The following KIF21A variants were observed in gnomAD, a reference collection of about 807,000 sequenced individuals.
KIF21A encodes kinesin family member 21A.
In KIF21A, 114 loss-of-function variants were observed where a neutral mutation model predicts 202.9. The ratio of observed to expected loss-of-function variants is 0.56; its 90% CI spans 0.48 to 0.66. The LOEUF (loss-of-function observed/expected upper bound fraction) is 0.66. Ranked by LOEUF, KIF21A falls within the 30% of genes least tolerant of loss-of-function variation. KIF21A has a pLI of 0.00. For missense variants in KIF21A, 1,677 were observed against 1,994.9 expected (o/e 0.84, Z 3.04); for synonymous variants, 667 against 670.8 (o/e 0.99, Z 0.09).
intron 1 of KIF21A, among the ~76,000 whole-genome samples, chr12:39,404,194 A>C (rs2139914017): frequency 6.6e-6 from 1 of 152,254 alleles, no homozygotes; most frequent in Non-Finnish European, 1.5e-5. Flanking sequence ...TGCCTCCCAG[A>C]CTCAAGCAAT....
chr12:39,307,851 T>C, intron 33 of KIF21A, 122 bp from the exon 34 acceptor site: 1 of 755,156 alleles, frequency 1.3e-6, no homozygotes, highest in Non-Finnish European at 2.3e-6. Flanking sequence ...TTTGTCACTA[T>C]ATGTATACTA....
At chr12:39,340,006 A>G (rs115775974) in intron 16 of KIF21A, among the ~76,000 whole-genome samples, 159 bp downstream of exon 16, 297 of 152,304 alleles carry the variant, frequency 2.0e-3, no homozygotes, top group African/African-American at 7.0e-3. Context: ...AGGAATGACT[A>G]TTAGAAACAA....
At chr12:39,419,500 T>G (rs1954064848) in intron 1 of KIF21A, among the ~76,000 whole-genome samples, 1 of 152,156 alleles carries the variant, frequency 6.6e-6, no homozygotes, top group East Asian at 1.9e-4. Flanking sequence ...ATGAAATCAC[T>G]TGAACTATTA....
At chr12:39,408,726 G>A (rs985179234) in intron 1 of KIF21A, among the ~76,000 whole-genome samples, 6 of 152,128 alleles carry the variant, frequency 3.9e-5, no homozygotes, top group African/African-American at 1.4e-4. Flanking sequence ...TAAGGGAGAA[G>A]TGGGATGCTC....
chr12:39,388,296 T>C (rs1490504421), intron 1 of KIF21A, among the ~76,000 whole-genome samples: 1 of 152,216 alleles, frequency 6.6e-6, no homozygotes, highest in African/African-American at 2.4e-5. Context: ...ATGTAATCTC[T>C]GCATAATGCT....
At chr12:39,363,622 A>G (rs963011858) in intron 6 of KIF21A, among the ~76,000 whole-genome samples, 53 of 152,356 alleles carry the variant, frequency 3.5e-4, no homozygotes, top group African/African-American at 1.1e-3. Flanking sequence ...TTTGCAATAC[A>G]GTTCCCACGG....
chr12:39,335,556 G>A (rs538981956), intron 17 of KIF21A, among the ~76,000 whole-genome samples: 6 of 152,178 alleles, frequency 3.9e-5, no homozygotes, highest in African/African-American at 7.2e-5. Context: ...TGGGTATAGC[G>A]TATATTCCTG....
chr12:39,369,530 T>G (rs945600979), intron 3 of KIF21A, among the ~76,000 whole-genome samples, 199 bp downstream of exon 3: 7 of 152,196 alleles, frequency 4.6e-5, no homozygotes, highest in African/African-American at 1.7e-4. Context: ...ATTGGTCAAG[T>G]GTTTATAATC....
At chr12:39,311,575 C>A (rs1478051359) in intron 31 of KIF21A, 22 bp from the exon 32 acceptor site, 2 of 1,611,528 alleles carry the variant, frequency 1.2e-6, no homozygotes, top group East Asian at 4.5e-5. Context: ...AAAAAACAAA[C>A]AAACCAAGAC....
chr12:39,337,922 T>C (rs1947120301), intron 16 of KIF21A, among the ~76,000 whole-genome samples: 1 of 152,198 alleles, frequency 6.6e-6, no homozygotes, highest in South Asian at 2.1e-4. Context: ...CACACAATTA[T>C]GTATAGTCCA....
intron 35 of KIF21A, 47 bp downstream of exon 35, chr12:39,304,774 T>C (rs1032051926): frequency 9.9e-7 from 1 of 1,008,994 alleles, no homozygotes; most frequent in Non-Finnish European, 1.6e-6. Context: ...TACTTCAAAA[T>C]TATCATTTAA....
intron 24 of KIF21A, among the ~76,000 whole-genome samples, chr12:39,326,768 C>T (rs1217463923): frequency 6.6e-6 from 1 of 152,132 alleles, no homozygotes; most frequent in Non-Finnish European, 1.5e-5. Context: ...ATCAGTTATG[C>T]CAATGTACTT....
chr12:39,439,845 C>T (rs1167706570), intron 1 of KIF21A, among the ~76,000 whole-genome samples: 1 of 152,126 alleles, frequency 6.6e-6, no homozygotes, highest in Admixed American at 6.5e-5. Context: ...ACATCTTTCT[C>T]CCAAAGCCTT....
In KIF21A at chr12:39,326,328, CA is replaced by C; in HGVS notation, c.3341-5del. ...TCAGTACTATCCTCTACATTTTCTA[CA>C]AAAAAATGTTTAAAATGTAAGCATT... On this transcript the variant is annotated splice_region_variant and splice_polypyrimidine_tract_variant and intron_variant, in intron 24 of 37. Coordinates refer to ENST00000361418, the MANE Select transcript of KIF21A (RefSeq NM_001173464.2). The C allele has an allele frequency of 1.9e-6, 3 of 1,604,256 alleles. No individual in the cohort carries two copies. The highest frequency in any genetic ancestry group is 2.6e-6 in the Non-Finnish European group (3 of 1,171,642).
Position 39,442,943 on chromosome 12 carries a change from C to T in KIF21A, c.28G>A (p.Val10Met), listed in dbSNP as rs1040577254. MLGAPDESS[V>M]RVAVRIRPQL... ...TGTCCTCACCTGACAGCCACCCGCA[C>T]GGAGCTCTCGTCCGGGGCGCCCAAC... The change falls in exon 1 of 38, where the codon GTG becomes ATG. Residue 10 changes from valine to methionine, a missense_variant. Transcript: ENST00000361418. This position sits in a 1 kb window ranked among gnomAD's most constrained non-coding sequence, Gnocchi z 5.0. 2 of 1,524,168 alleles carry T rather than the reference C, an allele frequency of 1.3e-6. No homozygotes were observed. Among genetic ancestry groups the T allele is most frequent in the Admixed American group, 4.0e-5 (2 of 50,454 alleles). The allele number at this position is 1,524,168 out of a possible 1,614,324, so 94.4% of individuals were successfully genotyped here.
chr12:39,423,766 G>A (rs1300158222), intron 1 of KIF21A, among the ~76,000 whole-genome samples: 1 of 151,832 alleles, frequency 6.6e-6, no homozygotes, highest in African/African-American at 2.4e-5. Flanking sequence ...GGTGGATCAC[G>A]ATGTCAAGAG....
intron 1 of KIF21A, among the ~76,000 whole-genome samples, chr12:39,394,402 T>C (rs1323413373): frequency 6.6e-6 from 1 of 152,220 alleles, no homozygotes; most frequent in Non-Finnish European, 1.5e-5. Flanking sequence ...TAATTAGACA[T>C]AAATAAAACA....
Position 39,426,718 on chromosome 12 carries a change from C to CA in KIF21A, c.44+16208dup, listed in dbSNP as rs1200308560. 7.6e-3 allele frequency among the ~76,000 whole-genome samples: 623 copies of CA among 81,906 alleles called. 7 individuals are homozygous for CA. Among genetic ancestry groups the CA allele is most frequent in the South Asian group, 0.029 (80 of 2,794 alleles). 53.7% of individuals were successfully genotyped at this position (81,906 alleles called of 152,430 possible). On this transcript the variant is annotated intron_variant, in intron 1 of 37. Coordinates refer to ENST00000361418, the MANE Select transcript of KIF21A (RefSeq NM_001173464.2). ...TGAAACCCCATCTCTACTAAAAATA[C>CA]AAAAAAAAAAAAAAAAATAGCTGGG...
intron 1 of KIF21A, among the ~76,000 whole-genome samples, chr12:39,417,879 A>G (rs1953906131): frequency 6.6e-6 from 1 of 152,128 alleles, no homozygotes; most frequent in African/African-American, 2.4e-5. Flanking sequence ...AATTTGGTCC[A>G]ACTTCTGGGC....
Sources: gnomAD v4.1 joint callset for allele counts (sites outside exome capture counted in the v4.1 genomes callset) on GRCh38, gnomAD v4.1.1 for gene constraint, Gnocchi (gnomAD v3.1) non-coding constraint, MANE v1.5 for transcripts, NCBI Gene and HGNC (gene_info 2026-07-23, HGNC 2026-07-21) for gene names.